KCNH8: variants seen among roughly 807,000 people sequenced by gnomAD.
KCNH8 encodes the protein voltage-gated delayed rectifier potassium channel KCNH8.
Under a neutral mutation model 103.6 loss-of-function variants are expected in KCNH8, and 70 were observed. The observed-to-expected ratio is 0.68, with a 90% CI of 0.56 to 0.82. KCNH8 has a LOEUF of 0.82. KCNH8 is among the 40% of genes least tolerant of loss of function. KCNH8 has a pLI of 0.00. For missense variants in KCNH8, 1,217 were observed against 1,329.9 expected, an observed-to-expected ratio of 0.92 and a Z score of 1.32; for synonymous variants, 498 against 489.4, an observed-to-expected ratio of 1.02 and a Z score of -0.23.
chr3:19,259,752 C>CAT (rs34904245), intron 2 of KCNH8, among the ~76,000 whole-genome samples: 12,866 of 145,458 alleles, frequency 0.088, 1,702 homozygotes, highest in African/African-American at 0.29. Context: ...TATATATGTA[C>CAT]ATATATATAT....
intron 1 of KCNH8, among the ~76,000 whole-genome samples, chr3:19,156,542 A>G (rs575084846): frequency 3.8e-4 from 58 of 152,314 alleles, no homozygotes; most frequent in South Asian, 1.2e-3. Flanking sequence ...TAAAATAGGT[A>G]TTAAAGATTC....
At chr3:19,197,971 T>C (rs1246739762) in intron 1 of KCNH8, among the ~76,000 whole-genome samples, 2 of 152,086 alleles carry the variant, frequency 1.3e-5, no homozygotes. Flanking sequence ...CAGGGTTTTG[T>C]GTATCAAAGG....
At position 19,422,710 on chromosome 3, in the gene KCNH8, G is replaced by A. The variant is rs117053242; in HGVS notation, c.1178-15454G>A. On this transcript the variant is annotated intron_variant, in intron 7 of 15. Coordinates refer to ENST00000328405, the MANE Select transcript of KCNH8 (RefSeq NM_144633.3). ...AATATTAATTGAGTGCATATTAGGT[G>A]CCTCATCCTGAGCTAGGCTTGGGAA... 2.5e-4 allele frequency among the ~76,000 whole-genome samples: 38 copies of A among 152,126 alleles called. No homozygotes were observed. The East Asian group carries it at 7.3e-3, about 29-fold the overall frequency.
intron 11 of KCNH8, among the ~76,000 whole-genome samples, chr3:19,489,758 C>A (rs2068280648): frequency 6.6e-6 from 1 of 152,102 alleles, no homozygotes; most frequent in Admixed American, 6.6e-5. Context: ...AAAGAGGGCA[C>A]ACACACACTT....
intron 7 of KCNH8, among the ~76,000 whole-genome samples, chr3:19,405,885 G>A (rs935819523): frequency 6.6e-5 from 10 of 151,954 alleles, no homozygotes; most frequent in Admixed American, 2.0e-4. Context: ...AATGGAAGCT[G>A]TAGATATCCA....
At chr3:19,181,882 T>G (rs1290691080) in intron 1 of KCNH8, among the ~76,000 whole-genome samples, 2 of 152,086 alleles carry the variant, frequency 1.3e-5, no homozygotes, top group African/African-American at 4.8e-5. Flanking sequence ...AGAATAGTAA[T>G]AAAAATAAAA....
chr3:19,485,746 G>A (rs772215963), intron 11 of KCNH8, among the ~76,000 whole-genome samples: 1 of 152,192 alleles, frequency 6.6e-6, no homozygotes, highest in African/African-American at 2.4e-5. Context: ...TCGAGCTTCT[G>A]AATTAGCTCG....
chr3:19,386,242 T>TG (rs2066354519), intron 5 of KCNH8, among the ~76,000 whole-genome samples: 1 of 152,150 alleles, frequency 6.6e-6, no homozygotes, highest in Admixed American at 6.6e-5. Flanking sequence ...ATTTTTCTCT[T>TG]GATTATTTGT....
intron 7 of KCNH8, among the ~76,000 whole-genome samples, chr3:19,395,979 C>T (rs2066510813): frequency 6.6e-6 from 1 of 151,982 alleles, no homozygotes; most frequent in South Asian, 2.1e-4. Context: ...CATTTTTAAA[C>T]TTATGTCAAC....
chr3:19,200,892 G>C (rs926105077), intron 1 of KCNH8, among the ~76,000 whole-genome samples: 3 of 151,766 alleles, frequency 2.0e-5, no homozygotes, highest in African/African-American at 7.3e-5. Context: ...GGGATATTTT[G>C]AAGTATGTAA....
At chr3:19,262,849 T>C (rs999006308) in intron 2 of KCNH8, among the ~76,000 whole-genome samples, 3 of 152,022 alleles carry the variant, frequency 2.0e-5, no homozygotes, top group African/African-American at 7.2e-5. Flanking sequence ...TATTCTAAGA[T>C]TGAGTGAGAC....
At chr3:19,318,505 A>G (rs993075846) in intron 3 of KCNH8, among the ~76,000 whole-genome samples, 5 of 151,724 alleles carry the variant, frequency 3.3e-5, no homozygotes, top group Non-Finnish European at 7.4e-5. Context: ...GCTTCCACTT[A>G]TGAGTAAAAA....
At chr3:19,203,093 T>A (rs1168993984) in intron 1 of KCNH8, among the ~76,000 whole-genome samples, 5 of 152,124 alleles carry the variant, frequency 3.3e-5, no homozygotes, top group Non-Finnish European at 7.3e-5. Flanking sequence ...TTGTGAACAA[T>A]GCATGCAAAC....
chr3:19,283,725 G>A (rs776885377), intron 3 of KCNH8, among the ~76,000 whole-genome samples: 6 of 151,302 alleles, frequency 4.0e-5, no homozygotes, highest in East Asian at 1.9e-4. Flanking sequence ...ATACCAACTC[G>A]AGCAACATAG....
chr3:19,197,709 T>A (rs561730460), intron 1 of KCNH8, among the ~76,000 whole-genome samples: 1 of 151,968 alleles, frequency 6.6e-6, no homozygotes, highest in Middle Eastern at 3.2e-3. Flanking sequence ...TCCTATGTAA[T>A]TGGATTGTTG....
intron 11 of KCNH8, among the ~76,000 whole-genome samples, chr3:19,472,841 C>G (rs2067891719): frequency 6.6e-6 from 1 of 152,104 alleles, no homozygotes; most frequent in Admixed American, 6.6e-5. Flanking sequence ...AAGATTTAGT[C>G]AAATAAACAA....
At position 19,459,194 on chromosome 3, in the gene KCNH8, A is replaced by G. The variant is rs558727775; in HGVS notation, c.2040+2212A>G. 5.3e-5 allele frequency among the ~76,000 whole-genome samples: 8 copies of G among 152,112 alleles called. No homozygotes were observed. The South Asian group carries it at 1.7e-3, about 32-fold the overall frequency. ...TTCCCTACTGTTTTCCATAGTGGCT[A>G]TAATGATTTACATTTGCACCAACAG... On this transcript the variant is annotated intron_variant, in intron 11 of 15. Coordinates refer to ENST00000328405, the MANE Select transcript of KCNH8 (RefSeq NM_144633.3).
intron 5 of KCNH8, among the ~76,000 whole-genome samples, chr3:19,377,197 T>C (rs2066221115): frequency 6.6e-6 from 1 of 152,214 alleles, no homozygotes; most frequent in African/African-American, 2.4e-5. Flanking sequence ...AAATAAAAGA[T>C]ATTAGTGGCA....
At chr3:19,192,376 G>C (rs2125210748) in intron 1 of KCNH8, among the ~76,000 whole-genome samples, 1 of 151,660 alleles carries the variant, frequency 6.6e-6, no homozygotes, top group East Asian at 1.9e-4. Flanking sequence ...TCTCACTGGG[G>C]TTCCAACGTG....
Sources: gnomAD v4.1 joint callset for allele counts (sites outside exome capture counted in the v4.1 genomes callset) on GRCh38, gnomAD v4.1.1 for gene constraint, MANE v1.5 for transcripts, NCBI Gene and HGNC (gene_info 2026-07-23, HGNC 2026-07-21) for gene names.